Variants in TRIQK observed in about 807,000 individuals in gnomAD.
TRIQK encodes the protein triple QxxK/R motif containing, also known as triple QxxK/R motif-containing protein.
A neutral mutation model predicts 10.8 loss-of-function variants in TRIQK; 10 were observed. The observed-to-expected ratio is 0.92, with a 90% CI of 0.57 to 1.57. The LOEUF (loss-of-function observed/expected upper bound fraction) is 1.57. TRIQK is among the 40% of genes most tolerant of loss of function. The pLI is 0.00. For missense variants in TRIQK, 107 were observed against 97.7 expected, an observed-to-expected ratio of 1.09 and a Z score of -0.40; for synonymous variants, 33 against 33.7, an observed-to-expected ratio of 0.98 and a Z score of 0.07.
rs1235778328 is a variant in TRIQK at position 92,979,142 on chromosome 8, T to C, written c.-180-24578A>G. Among the ~76,000 whole-genome samples the C allele has an allele frequency of 2.0e-5, 3 of 152,220 alleles. No homozygotes were observed. In the East Asian group the frequency reaches 5.8e-4, roughly 29 times the overall value. On this transcript the variant is annotated intron_variant, in intron 1 of 4. Transcript: ENST00000520686. ...CAAATGGCTGGCAGTTGGAATCATC[T>C]TTAAGCTTTTCTGCATAATTGTCTG...
At chr8:92,916,060 C>T (rs1005641017) in intron 3 of TRIQK, among the ~76,000 whole-genome samples, 2 of 151,838 alleles carry the variant, frequency 1.3e-5, no homozygotes, top group Non-Finnish European at 2.9e-5. Context: ...AGCAATGGTA[C>T]AGATGGAAAA....
intron 2 of TRIQK, chr8:92,953,847 T>A (rs1211194332): frequency 6.6e-6 from 1 of 151,940 alleles, no homozygotes; most frequent in Non-Finnish European, 1.5e-5. Flanking sequence ...GAAAGAACAG[T>A]AAGCGATGAG....
chr8:92,909,950 G>A (rs528254819), intron 3 of TRIQK, among the ~76,000 whole-genome samples: 108 of 151,548 alleles, frequency 7.1e-4, no homozygotes, highest in African/African-American at 2.5e-3. Flanking sequence ...ACAACGACAT[G>A]TTTCAGTAAG....
intron 3 of TRIQK, among the ~76,000 whole-genome samples, chr8:92,916,062 G>A (rs1179977991): frequency 6.6e-6 from 1 of 152,054 alleles, no homozygotes; most frequent in Non-Finnish European, 1.5e-5. Context: ...CAATGGTACA[G>A]ATGGAAAAAA....
At chr8:92,899,724 A>G (rs1432910941) in intron 3 of TRIQK, among the ~76,000 whole-genome samples, 1 of 147,140 alleles carries the variant, frequency 6.8e-6, no homozygotes, top group Non-Finnish European at 1.5e-5. Flanking sequence ...GAGTGTAGAT[A>G]TCTTTTTGGT....
At chr8:92,983,889 T>G (rs1030906038) in intron 1 of TRIQK, among the ~76,000 whole-genome samples, 1 of 152,014 alleles carries the variant, frequency 6.6e-6, no homozygotes, top group Non-Finnish European at 1.5e-5. Context: ...AAAATAAACA[T>G]GAGAATGGTT....
upstream of TRIQK, among the ~76,000 whole-genome samples, chr8:92,969,918 G>T (rs1380032640): frequency 6.6e-6 from 1 of 152,084 alleles, no homozygotes; most frequent in African/African-American, 2.4e-5. Flanking sequence ...GCATGCATTA[G>T]TTATTTATCC....
chr8:92,991,148 T>A (rs1813092792), intron 1 of TRIQK, among the ~76,000 whole-genome samples: 1 of 151,946 alleles, frequency 6.6e-6, no homozygotes, highest in Admixed American at 6.6e-5. Context: ...AAGTTCAAAC[T>A]GGGCGGAGCC....
chr8:92,905,405 C>A (rs111437569), intron 3 of TRIQK, among the ~76,000 whole-genome samples: 1,899 of 152,134 alleles, frequency 0.012, 41 homozygotes, highest in African/African-American at 0.042. Context: ...AGATTACTGG[C>A]ACAAATTTAA....
At chr8:92,902,526 C>T (rs953234086) in intron 3 of TRIQK, among the ~76,000 whole-genome samples, 39 of 152,202 alleles carry the variant, frequency 2.6e-4, no homozygotes, top group Admixed American at 9.8e-4. Context: ...TTCCTTAATA[C>T]GATGTTAAAG....
intron 3 of TRIQK, among the ~76,000 whole-genome samples, chr8:92,902,933 C>T (rs1471998441): frequency 3.3e-5 from 5 of 151,470 alleles, no homozygotes; most frequent in African/African-American, 9.7e-5. Flanking sequence ...TTAATGGTTG[C>T]CCTAGAAATT....
intron 2 of TRIQK, among the ~76,000 whole-genome samples, chr8:92,949,771 GGAAAGAAAGAAAAA>G (rs1443398205): frequency 2.2e-4 from 18 of 83,384 alleles, no homozygotes; most frequent in South Asian, 1.8e-3. Flanking sequence ...AGAAAGAGAA[GGAAAGAAAGAAAAA>G]GAAAGAAAGA....
chr8:92,932,261 G>T (rs1810766114), intron 2 of TRIQK, among the ~76,000 whole-genome samples: 1 of 151,974 alleles, frequency 6.6e-6, no homozygotes, highest in African/African-American at 2.4e-5. Flanking sequence ...TATATTCCAA[G>T]GTCCTATATA....
chr8:92,977,188 AC>A (rs1812941907), intron 1 of TRIQK, among the ~76,000 whole-genome samples: 1 of 151,930 alleles, frequency 6.6e-6, no homozygotes, highest in African/African-American at 2.4e-5. Context: ...GAAGTCTTTC[AC>A]CTTTTGTATG....
rs139623490 is a variant in TRIQK, at chr8:93,002,053, A to C, written c.-181+15556T>G. The stretch of plus-strand genomic sequence containing the variant: ...GAGTCAATGAAGAAATTCTAAAAAA[A>C]ATTTAAACTTTTTTTCAGACAAATG... On this transcript the variant is annotated intron_variant, in intron 1 of 4. Coordinates refer to the TRIQK transcript ENST00000520686. Among the ~76,000 whole-genome samples, 593 of 151,870 alleles carry C rather than the reference A, an allele frequency of 3.9e-3. 4 individuals are homozygous for C. The highest frequency in any genetic ancestry group is 5.2e-3 in the Non-Finnish European group (353 of 68,002).
chr8:92,901,645 T>G (rs888099767), intron 3 of TRIQK, among the ~76,000 whole-genome samples: 3 of 152,162 alleles, frequency 2.0e-5, no homozygotes, highest in African/African-American at 7.2e-5. Context: ...GACTTTGGTT[T>G]ACCAGAATTT....
intron 1 of TRIQK, among the ~76,000 whole-genome samples, chr8:92,980,104 A>G (rs1812971962): frequency 6.6e-6 from 1 of 152,048 alleles, no homozygotes; most frequent in African/African-American, 2.4e-5. Flanking sequence ...TACTTTATTA[A>G]GTTAAGAACA....
chr8:92,984,414 GA>G lies in TRIQK; in HGVS notation c.-180-29851del, dbSNP rs371425983. Among the ~76,000 whole-genome samples the G allele has an allele frequency of 1.2e-4, 18 of 152,164 alleles. No homozygotes were observed. In the South Asian group the frequency reaches 2.7e-3, roughly 23 times the overall value. ...CAAAGATTCAGATTATGTCAAGGGG[GA>G]AAAAAGTGTTTCTAGAGGTCAAGTT... On this transcript the variant is annotated intron_variant, in intron 1 of 4. Coordinates refer to the TRIQK transcript ENST00000520686.
intron 2 of TRIQK, among the ~76,000 whole-genome samples, chr8:92,931,073 A>G (rs1489047065): frequency 1.3e-5 from 2 of 152,070 alleles, no homozygotes; most frequent in African/African-American, 4.8e-5. Flanking sequence ...TTTTCAATAA[A>G]TTTTTCTGAA....
Sources: allele counts gnomAD v4.1 joint callset (sites outside exome capture counted in the v4.1 genomes callset), GRCh38; gene constraint gnomAD v4.1.1; transcripts MANE v1.5; gene names NCBI Gene and HGNC (gene_info 2026-07-23, HGNC 2026-07-21).